Variants in QSER1 observed in about 807,000 individuals in gnomAD.
QSER1 encodes the protein glutamine and serine rich 1.
Under a neutral mutation model 158.5 loss-of-function variants are expected in QSER1, and 49 were observed. The ratio of observed to expected loss-of-function variants is 0.31; its 90% CI spans 0.25 to 0.39. The LOEUF (loss-of-function observed/expected upper bound fraction) is 0.39, where lower values mean the gene tolerates loss of function less well. Among genes scored for constraint, QSER1 ranks in the 10% least tolerant of loss-of-function variants. The pLI is 1.00. For synonymous variants in QSER1, 650 were observed against 715.5 expected (o/e 0.91, Z 1.46); for missense variants, 1,754 against 2,010.3 (o/e 0.87, Z 2.44).
intron 8 of QSER1, among the ~76,000 whole-genome samples, chr11:32,965,985 ACG>A (rs1852738554): frequency 6.7e-6 from 1 of 149,584 alleles, no homozygotes; most frequent in African/African-American, 2.5e-5. Context: ...ACACACACAC[ACG>A]AATCACCTAG....
At chr11:32,960,891 T>A (rs1852611676) in intron 8 of QSER1, among the ~76,000 whole-genome samples, 1 of 152,192 alleles carries the variant, frequency 6.6e-6, no homozygotes, top group South Asian at 2.1e-4. Context: ...CATATATTCA[T>A]AGGCTGGTGA....
Position 32,934,006 on chromosome 11 carries a change from T to A in QSER1, c.2748T>A (p.His916Gln). Residue 916 changes from histidine to glutamine, a missense_variant, in exon 4 of 13, where the codon CAT becomes CAA. Physicochemically the swap from His to Gln is conservative, Grantham distance 24. This residue lies in a region of QSER1 where 1,707 missense variants were observed against 1,919.6 expected (regional missense o/e 0.89). Transcript: ENST00000650167. ...GTGATCATTCTCAGCAGCAACTCCA[T>A]CCTCAAAATTCTGAAGTTATGAAAA... is the stretch of plus-strand genomic sequence containing the variant. Reference protein sequence around the residue: ...SNGDHSQQQLHPQNSEVMKMD... With the variant: ...SNGDHSQQQLQPQNSEVMKMD... 1 of 1,613,668 alleles carries A rather than the reference T, an allele frequency of 6.2e-7. No individual in the cohort carries two copies. Among genetic ancestry groups the A allele is most frequent in the Non-Finnish European group, 8.5e-7 (1 of 1,179,870 alleles).
intron 9 of QSER1, 80 bp from the exon 10 acceptor site, chr11:32,968,966 A>G (rs898758974): frequency 1.4e-6 from 1 of 735,950 alleles, no homozygotes. Context: ...TTTAATATAT[A>G]AATGTTTTGA....
Position 32,934,438 on chromosome 11 carries a change from A to T in QSER1, c.3180A>T (p.Ser1060=). ...LNGNQVTVNL[S]PVPALQSKMT... is the part of the protein sequence containing the mutation. Reference sequence around the variant, plus strand: ...GAAATCAGGTTACTGTGAACCTTTCACCAGTACCTGCCCTTCAGTCAAAAA... The same window carrying T: ...GAAATCAGGTTACTGTGAACCTTTCTCCAGTACCTGCCCTTCAGTCAAAAA... Residue 1060 remains serine, a synonymous_variant, in exon 4 of 13, where the codon TCA becomes TCT. Transcript: ENST00000650167. 1 of 1,613,868 alleles carries T rather than the reference A, an allele frequency of 6.2e-7. No individual in the cohort carries two copies. Among genetic ancestry groups the T allele is most frequent in the Non-Finnish European group, 8.5e-7 (1 of 1,179,994 alleles).
rs969880178 is a variant in QSER1 at position 32,978,997 on chromosome 11, C to T, written c.*2523C>T. 1 of 152,132 alleles carries T rather than the reference C, an allele frequency of 6.6e-6. No individual in the cohort carries two copies. The highest frequency in any genetic ancestry group is 2.4e-5 in the African/African-American group (1 of 41,432). The allele number at this position is 152,132 out of a possible 1,614,324, so 9.4% of individuals were successfully genotyped here. A position where few individuals can be genotyped will look rare whatever the true frequency, so the allele number is the denominator to read the frequency against. ...CTAGGTGGCATAGCCCACAACGTACCCAGGCTATATGGTAAACCTGTACAG... is the reference window on the plus strand; with the variant it reads ...CTAGGTGGCATAGCCCACAACGTACTCAGGCTATATGGTAAACCTGTACAG... On this transcript the variant is annotated 3_prime_UTR_variant, in exon 13 of 13. Transcript: ENST00000650167.
intron 4 of QSER1, among the ~76,000 whole-genome samples, chr11:32,944,153 T>C (rs1590172860): frequency 1.3e-5 from 2 of 152,310 alleles, no homozygotes; most frequent in African/African-American, 4.8e-5. Context: ...TTGGTAGCAG[T>C]CTATCAATTT....
intron 1 of QSER1, among the ~76,000 whole-genome samples, chr11:32,921,336 C>T (rs1198042051): frequency 6.6e-6 from 1 of 152,022 alleles, no homozygotes; most frequent in Non-Finnish European, 1.5e-5. Flanking sequence ...TTGCCAGGGG[C>T]AGAAGAGAGG....
chr11:32,901,789 AAGGAT>A (rs1851628963), intron 1 of QSER1, among the ~76,000 whole-genome samples: 1 of 152,178 alleles, frequency 6.6e-6, no homozygotes, highest in South Asian at 2.1e-4. Context: ...CTCCACTCTA[AAGGAT>A]AGGGAATGGC....
intron 8 of QSER1, among the ~76,000 whole-genome samples, chr11:32,965,784 TA>T (rs917516899): frequency 5.5e-4 from 83 of 151,950 alleles, no homozygotes; most frequent in African/African-American, 1.9e-3. Context: ...CCCTCTCTAC[TA>T]AAAAAATTAG....
intron 1 of QSER1, among the ~76,000 whole-genome samples, chr11:32,912,296 G>A (rs997687421): frequency 1.3e-5 from 2 of 152,090 alleles, no homozygotes; most frequent in African/African-American, 2.4e-5. Context: ...CATGATTCCT[G>A]TCTTCCCCGC....
At chr11:32,975,438 A>T (rs1277932531) in intron 12 of QSER1, 95 bp downstream of exon 12, 2 of 1,559,872 alleles carry the variant, frequency 1.3e-6, no homozygotes, top group African/African-American at 2.7e-5. Context: ...AGAGTTGTGA[A>T]ATACATGTGT....
intron 8 of QSER1, among the ~76,000 whole-genome samples, chr11:32,959,767 A>AT (rs1222999134): frequency 6.6e-6 from 1 of 152,008 alleles, no homozygotes; most frequent in Non-Finnish European, 1.5e-5. Flanking sequence ...TACCGTTTTT[A>AT]TTTTTTATTT....
chr11:32,917,148 A>G (rs966935925), intron 1 of QSER1, among the ~76,000 whole-genome samples: 1 of 152,202 alleles, frequency 6.6e-6, no homozygotes, highest in Admixed American at 6.5e-5. Flanking sequence ...CATTTAGCAT[A>G]GTACTTCCAG....
intron 4 of QSER1, among the ~76,000 whole-genome samples, chr11:32,940,770 A>T (rs1336435112): frequency 2.0e-5 from 3 of 152,100 alleles, no homozygotes; most frequent in Non-Finnish European, 4.4e-5. Flanking sequence ...CTCTGTAGTT[A>T]TACCCTCTTT....
chr11:32,900,168 G>A (rs1437127941), intron 1 of QSER1, among the ~76,000 whole-genome samples: 1 of 152,112 alleles, frequency 6.6e-6, no homozygotes, highest in East Asian at 1.9e-4. Flanking sequence ...TAGGCCTTCT[G>A]TAATTTATTA....
At position 32,915,326 on chromosome 11, in the gene QSER1, C is replaced by T. The variant is rs114334449; in HGVS notation, c.210-11831C>T. Reference sequence around the variant, plus strand: ...CTTGTCCTCAATTTCATACCTTACTCATGAGTGTGGGGAGGAGATAGAAGA... The same window carrying T: ...CTTGTCCTCAATTTCATACCTTACTTATGAGTGTGGGGAGGAGATAGAAGA... On this transcript the variant is annotated intron_variant, in intron 1 of 12. Transcript: ENST00000650167. 2.4e-3 allele frequency among the ~76,000 whole-genome samples: 366 copies of T among 152,272 alleles called. 1 individual carries two copies. The highest frequency in any genetic ancestry group is 8.4e-3 in the African/African-American group (351 of 41,554).
At position 32,932,744 on chromosome 11, in the gene QSER1, G is replaced by A. The variant is rs200233885; in HGVS notation, c.1486G>A (p.Glu496Lys). 2 of 1,614,126 alleles carry A rather than the reference G, an allele frequency of 1.2e-6. No homozygotes were observed. The highest frequency in any genetic ancestry group is 1.3e-5 in the African/African-American group (1 of 75,040). The change falls in exon 4 of 13, where the codon GAG becomes AAG. Residue 496 changes from glutamate to lysine, a missense_variant. This residue lies in a region of QSER1 where 1,707 missense variants were observed against 1,919.6 expected (regional missense o/e 0.89). Coordinates refer to ENST00000650167, the MANE Select transcript of QSER1 (RefSeq NM_001076786.3). ...ACAGGTTTATAGGTCCAGCAAGGTT[G>A]AGAAATTGCCACCCTTGTATAAAAC... ...HSQVYRSSKV[E>K]KLPPLYKTLT...
intron 10 of QSER1, 31 bp from the exon 11 acceptor site, chr11:32,973,366 G>T: frequency 6.2e-7 from 1 of 1,610,242 alleles, no homozygotes; most frequent in Non-Finnish European, 8.5e-7. Context: ...TTTTCTTCTG[G>T]TGTCAGTTAT....
chr11:32,914,475 A>C (rs1851808628), intron 1 of QSER1, among the ~76,000 whole-genome samples: 1 of 152,236 alleles, frequency 6.6e-6, no homozygotes. Context: ...TTTAACACAA[A>C]AAGAACAAAG....
Sources: allele counts gnomAD v4.1 joint callset (sites outside exome capture counted in the v4.1 genomes callset), GRCh38; gene constraint gnomAD v4.1.1; regional missense constraint gnomAD v4.1.1; transcripts MANE v1.5; gene names NCBI Gene and HGNC (gene_info 2026-07-23, HGNC 2026-07-21).